The following ARVCF variants were observed in gnomAD, a reference collection of about 807,000 sequenced individuals.
ARVCF encodes the protein splicing regulator ARVCF.
ARVCF carries 66 observed loss-of-function variants against 90.9 expected under a neutral mutation model. That is an observed-to-expected ratio of 0.73 (90% CI 0.60 to 0.89). The LOEUF (loss-of-function observed/expected upper bound fraction) is 0.89. Among genes scored for constraint, ARVCF ranks in the 40% least tolerant of loss-of-function variants. ARVCF has a pLI of 0.00. For synonymous variants in ARVCF, 653 were observed against 603.4 expected, an observed-to-expected ratio of 1.08 and a Z score of -1.21; for missense variants, 1,469 against 1,382.3, an observed-to-expected ratio of 1.06 and a Z score of -1.00.
chr22:19,996,327 A>G (rs77650138), intron 2 of ARVCF, among the ~76,000 whole-genome samples: 1 of 151,534 alleles, frequency 6.6e-6, no homozygotes, highest in South Asian at 2.1e-4. Flanking sequence ...AAAAAAAAAA[A>G]GGGCCACACA....
Position 19,981,288 on chromosome 22 carries a change from C to A in ARVCF, c.819G>T (p.Glu273Asp). 6.3e-7 allele frequency: 1 copy of A among 1,584,492 alleles called. No individual in the cohort carries two copies. Among genetic ancestry groups the A allele is most frequent in the East Asian group, 2.3e-5 (1 of 42,798 alleles). The part of the protein sequence containing the change: ...DDTRSLAADD[E>D]GGPELEPDYG... The stretch of plus-strand genomic sequence containing the variant: ...AGTCAGGCTCCAGCTCAGGGCCACC[C>A]TCGTCATCAGCGGCCAGGCTGCGCG... Residue 273 changes from glutamate to aspartate, a missense_variant, in exon 5 of 20, where the codon GAG becomes GAT. Coordinates refer to ENST00000263207, the MANE Select transcript of ARVCF (RefSeq NM_001670.3).
chr22:20,001,270 G>A (rs1488315588), intron 2 of ARVCF, among the ~76,000 whole-genome samples: 4 of 152,132 alleles, frequency 2.6e-5, no homozygotes, highest in African/African-American at 9.7e-5. Flanking sequence ...CCCACATGAG[G>A]TTCCTCTGAG....
At chr22:20,010,886 C>A (rs1320193629) in intron 1 of ARVCF, among the ~76,000 whole-genome samples, 2 of 152,238 alleles carry the variant, frequency 1.3e-5, no homozygotes, top group Non-Finnish European at 2.9e-5. Flanking sequence ...GTGCTCACAG[C>A]CCCATAAGAC....
At position 19,983,427 on chromosome 22, in the gene ARVCF, G is replaced by A. The variant is rs1943605417; in HGVS notation, c.211-1336C>T. Among the ~76,000 whole-genome samples the A allele has an allele frequency of 2.6e-5, 4 of 152,336 alleles. No homozygotes were observed. The South Asian group carries it at 8.3e-4, about 32-fold the overall frequency. On this transcript the variant is annotated intron_variant, in intron 3 of 19. Transcript: ENST00000263207. ...CAGGACCTGCCTGCCAAGGCTCGTG[G>A]GCTGGGAAGCCTCCCCAGGTCAGGG...
downstream of ARVCF, chr22:19,965,288 G>A (rs1295102870): frequency 3.9e-5 from 6 of 152,284 alleles, no homozygotes; most frequent in East Asian, 1.9e-4. Flanking sequence ...ACGGCAGGAG[G>A]AGCGCTTGAG....
chr22:19,991,456 C>T (rs1944022660), intron 2 of ARVCF, among the ~76,000 whole-genome samples: 1 of 152,268 alleles, frequency 6.6e-6, no homozygotes, highest in African/African-American at 2.4e-5. Flanking sequence ...CTACACATGA[C>T]AGAGTAAAAA....
rs749814206 is a variant in ARVCF, at chr22:19,971,943, C to G, written c.2724G>C (p.Glu908Asp). The part of the protein sequence containing the change: ...PDGYSTVDRR[E>D]RRPRGASSAG... Reference sequence around the variant, plus strand: ...CAGAGCTGGCGCCCCGTGGCCTCCGCTCCCTCCGGTCCACCGTGGAGTATC... The same window carrying G: ...CAGAGCTGGCGCCCCGTGGCCTCCGGTCCCTCCGGTCCACCGTGGAGTATC... Residue 908 changes from glutamate to aspartate, a missense_variant, in exon 18 of 20, where the codon GAG (glutamate) becomes GAC (aspartate). By Grantham distance (45) the Glu-to-Asp change is conservative (BLOSUM62 2). Transcript: ENST00000263207. The G allele has an allele frequency of 6.2e-7, 1 of 1,612,508 alleles. No homozygotes were observed. Among genetic ancestry groups the G allele is most frequent in the Admixed American group, 1.7e-5 (1 of 59,948 alleles).
At chr22:19,982,210 C>T (rs1002609242) in intron 3 of ARVCF, 119 bp from the exon 4 acceptor site, 6 of 1,386,568 alleles carry the variant, frequency 4.3e-6, no homozygotes, top group African/African-American at 1.4e-5. Context: ...GGGTGCCTTC[C>T]TCCTGGTCCT....
intron 1 of ARVCF, among the ~76,000 whole-genome samples, chr22:20,011,036 C>T (rs1944809748): frequency 1.3e-5 from 2 of 152,208 alleles, no homozygotes; most frequent in Non-Finnish European, 1.5e-5. Context: ...ACAGGGAGGG[C>T]GGGGAAGCAG....
downstream of ARVCF, chr22:19,968,979 A>G (rs372414281): frequency 4.7e-6 from 2 of 423,684 alleles, no homozygotes. Context: ...TACTAATATC[A>G]TGTTTTAAAA....
intron 3 of ARVCF, chr22:19,986,595 G>A (rs1601623143): frequency 6.5e-6 from 1 of 154,236 alleles, no homozygotes; most frequent in Non-Finnish European, 1.4e-5. Flanking sequence ...AGTCAGAGCC[G>A]GCGTAGGGGG....
At chr22:19,981,845 G>A (rs1239666231) in intron 4 of ARVCF, 88 bp downstream of exon 4, 25 of 1,557,636 alleles carry the variant, frequency 1.6e-5, no homozygotes, top group Admixed American at 5.5e-5. Context: ...GAGGCCCCAC[G>A]TGGCAAGCTT....
rs35072297 is a variant in ARVCF at position 19,972,044 on chromosome 22, C to G, written c.2696-73G>C. On this transcript the variant is annotated intron_variant, in intron 17 of 19. Coordinates refer to ENST00000263207, the MANE Select transcript of ARVCF (RefSeq NM_001670.3). ...CTGTAGGAGCAGATCTCCCTCTCAG[C>G]CCAGACACAGGGGACTCGTGGGACA... 7 of 1,395,532 alleles carry G rather than the reference C, an allele frequency of 5.0e-6. No homozygotes were observed. The South Asian group carries it at 6.6e-5, about 13-fold the overall frequency. 86.4% of individuals were successfully genotyped at this position (1,395,532 alleles called of 1,614,324 possible). A position where few individuals can be genotyped will look rare whatever the true frequency, so the allele number is the denominator to read the frequency against.
At chr22:19,966,861 T>C (rs913486372), downstream of ARVCF, 4 of 849,394 alleles carry the variant, frequency 4.7e-6, no homozygotes, top group Middle Eastern at 6.0e-4. Flanking sequence ...GGGAGGAGAG[T>C]CTAAGGAGGG....
downstream of ARVCF, chr22:19,967,136 C>T: frequency 6.9e-6 from 9 of 1,297,074 alleles, no homozygotes; most frequent in Non-Finnish European, 9.1e-6. Flanking sequence ...CTGCCCTTCC[C>T]TCCTTCTTTC....
At chr22:19,991,685 G>C (rs1365583998) in intron 2 of ARVCF, among the ~76,000 whole-genome samples, 2 of 152,256 alleles carry the variant, frequency 1.3e-5, no homozygotes, top group Non-Finnish European at 2.9e-5. Context: ...ATGAGGGCTT[G>C]GCAGCCGCAG....
downstream of ARVCF, chr22:19,967,513 G>A (rs571240696): frequency 6.5e-5 from 26 of 399,412 alleles, no homozygotes; most frequent in Middle Eastern, 1.1e-3. Context: ...TGTCCATACT[G>A]TCACATGAAA....
chr22:19,977,926 C>T (rs927951013), intron 8 of ARVCF, 32 bp downstream of exon 8: 4 of 1,570,958 alleles, frequency 2.5e-6, no homozygotes, highest in African/African-American at 1.4e-5. Context: ...CTCTCCAGCC[C>T]TTGGTATGAG....
chr22:19,965,797 T>C (rs978743466), downstream of ARVCF, among the ~76,000 whole-genome samples: 1 of 141,570 alleles, frequency 7.1e-6, no homozygotes, highest in African/African-American at 2.7e-5. Context: ...GGAGGACCTG[T>C]AGTGGCCAAG....
Sources: gnomAD v4.1 joint callset for allele counts (sites outside exome capture counted in the v4.1 genomes callset) on GRCh38, gnomAD v4.1.1 for gene constraint, MANE v1.5 for transcripts, NCBI Gene and HGNC (gene_info 2026-07-23, HGNC 2026-07-21) for gene names.